Variants in ZFAND3 observed in about 807,000 individuals in gnomAD.
The protein encoded by ZFAND3 is zinc finger AN1-type containing 3, also known as AN1-type zinc finger protein 3.
ZFAND3 carries 10 observed loss-of-function variants against 29.6 expected under a neutral mutation model. That is an observed-to-expected ratio of 0.34 (90% CI 0.21 to 0.57). The LOEUF (loss-of-function observed/expected upper bound fraction) is 0.57, where lower values mean the gene tolerates loss of function less well. Among genes scored for constraint, ZFAND3 ranks in the 20% least tolerant of loss-of-function variants. The pLI is 0.86. For missense variants in ZFAND3, 230 were observed against 304.5 expected, an observed-to-expected ratio of 0.76 and a Z score of 1.82; for synonymous variants, 128 against 112.6, an observed-to-expected ratio of 1.14 and a Z score of -0.87.
At chr6:38,096,602 G>A (rs570599044) in intron 4 of ZFAND3, among the ~76,000 whole-genome samples, 8 of 152,130 alleles carry the variant, frequency 5.3e-5, no homozygotes, top group Non-Finnish European at 8.8e-5. Flanking sequence ...CTTCTTCAGC[G>A]CTGGAACTCT....
At chr6:37,973,190 TAGATGATTGATGGTGCTTTGCAAGTA>T (rs1762420209) in intron 2 of ZFAND3, among the ~76,000 whole-genome samples, 2 of 152,114 alleles carry the variant, frequency 1.3e-5, no homozygotes, top group African/African-American at 4.8e-5. Context: ...TTGAGTCCCA[TAGATGATTGATGGTGCTTTGCAAGTA>T]GTTAAATACA....
intron 1 of ZFAND3, among the ~76,000 whole-genome samples, chr6:37,854,860 T>G (rs145085800): frequency 2.0e-5 from 3 of 149,396 alleles, no homozygotes; most frequent in African/African-American, 7.4e-5. Context: ...TGCAGTTATA[T>G]ATGTCTTTGG....
intron 3 of ZFAND3, among the ~76,000 whole-genome samples, chr6:38,080,179 A>C (rs150745695): frequency 4.1e-4 from 63 of 152,076 alleles, no homozygotes; most frequent in African/African-American, 1.4e-3. Flanking sequence ...TAGGGGAGGG[A>C]TAGCATTAGG....
intron 3 of ZFAND3, among the ~76,000 whole-genome samples, chr6:38,071,913 A>G (rs1220539087): frequency 6.6e-6 from 1 of 152,166 alleles, no homozygotes; most frequent in African/African-American, 2.4e-5. Context: ...TTAGAAACCT[A>G]CTTTATGTGT....
chr6:37,837,350 A>G (rs1451817031), intron 1 of ZFAND3, among the ~76,000 whole-genome samples: 2 of 152,196 alleles, frequency 1.3e-5, no homozygotes, highest in East Asian at 1.9e-4. Flanking sequence ...CAGATATTCT[A>G]AAAATCTTAT....
At chr6:38,075,825 C>T (rs1764542755) in intron 3 of ZFAND3, among the ~76,000 whole-genome samples, 2 of 152,208 alleles carry the variant, frequency 1.3e-5, no homozygotes, top group Admixed American at 6.5e-5. Context: ...AATCTCTGCT[C>T]ACTGCAACCT....
At chr6:37,902,256 C>A (rs891762220) in intron 1 of ZFAND3, among the ~76,000 whole-genome samples, 1 of 151,824 alleles carries the variant, frequency 6.6e-6, no homozygotes, top group Admixed American at 6.6e-5. Flanking sequence ...CAAGACCAGC[C>A]GAGGCAACAT....
At chr6:37,867,558 G>A (rs1056705886) in intron 1 of ZFAND3, among the ~76,000 whole-genome samples, 3 of 152,304 alleles carry the variant, frequency 2.0e-5, no homozygotes, top group Admixed American at 1.3e-4. Context: ...TGAGGTTGTT[G>A]TATGGGTCCT....
intron 1 of ZFAND3, among the ~76,000 whole-genome samples, chr6:37,824,423 A>C (rs746171108): frequency 7.2e-5 from 11 of 152,344 alleles, no homozygotes; most frequent in Admixed American, 5.2e-4. Context: ...ATAGGAAGAA[A>C]AATAAGTATA....
In ZFAND3 at chr6:37,863,990, T is replaced by TA. The variant is rs549880798; in HGVS notation, c.71+43975dup. ...GTGACAAACAGTGGCTGGGATAGCA[T>TA]ATGTTGTTTAGACAGCTTTTGCTTG... On this transcript the variant is annotated intron_variant, in intron 1 of 5. Coordinates refer to ENST00000287218, the MANE Select transcript of ZFAND3 (RefSeq NM_021943.3). Among the ~76,000 whole-genome samples the TA allele has an allele frequency of 4.5e-3, 682 of 152,084 alleles. 7 individuals are homozygous for TA. Among genetic ancestry groups the TA allele is most frequent in the Non-Finnish European group, 7.1e-3 (481 of 67,968 alleles).
intron 4 of ZFAND3, among the ~76,000 whole-genome samples, chr6:38,107,712 A>G (rs1232741128): frequency 6.6e-6 from 1 of 152,188 alleles, no homozygotes; most frequent in Admixed American, 6.5e-5. Flanking sequence ...TCACACCTGT[A>G]GTCCCAGCTA....
intron 2 of ZFAND3, 91 bp from the exon 3 acceptor site, chr6:38,061,502 T>C: frequency 6.8e-7 from 1 of 1,461,572 alleles, no homozygotes; most frequent in Non-Finnish European, 9.3e-7. Flanking sequence ...ATTGGTGTTG[T>C]TGCATTTAAT....
intron 2 of ZFAND3, among the ~76,000 whole-genome samples, chr6:37,977,863 C>CCTTCCTTCCTTCCTTCCTTCCTTCCTTA (rs1762512785): frequency 7.3e-6 from 1 of 136,094 alleles, no homozygotes; most frequent in Non-Finnish European, 1.6e-5. Context: ...TTCCTTCCTT[C>CCTTCCTTCCTTCCTTCCTTCCTTCCTTA]CTTCCTTTCC....
intron 2 of ZFAND3, among the ~76,000 whole-genome samples, chr6:37,979,434 G>A (rs905691998): frequency 1.3e-5 from 2 of 152,182 alleles, no homozygotes; most frequent in African/African-American, 4.8e-5. Context: ...TTTGTTCGAA[G>A]ATGCAGTTAA....
At chr6:38,002,453 C>A (rs535341041) in intron 2 of ZFAND3, among the ~76,000 whole-genome samples, 3 of 151,776 alleles carry the variant, frequency 2.0e-5, no homozygotes, top group African/African-American at 4.8e-5. Context: ...CTGAGGCGGG[C>A]GGATTGCTTG....
chr6:37,834,854 C>A (rs1236078894), intron 1 of ZFAND3, among the ~76,000 whole-genome samples: 7 of 142,056 alleles, frequency 4.9e-5, no homozygotes, highest in South Asian at 2.2e-4. Flanking sequence ...ATGTATGTTT[C>A]AAAAAAAAAA....
intron 4 of ZFAND3, among the ~76,000 whole-genome samples, chr6:38,103,575 G>T (rs961413761): frequency 7.2e-5 from 10 of 138,754 alleles, no homozygotes; most frequent in African/African-American, 2.7e-4. Flanking sequence ...GACTTCTCAA[G>T]TTTCTCTCTT....
chr6:37,858,054 T>C lies in ZFAND3; in HGVS notation c.71+38038T>C, dbSNP rs116623321. Among the ~76,000 whole-genome samples, 838 of 152,290 alleles carry C rather than the reference T, an allele frequency of 5.5e-3. 8 individuals are homozygous for C. The highest frequency in any genetic ancestry group is 0.02 in the African/African-American group (815 of 41,568). On this transcript the variant is annotated intron_variant, in intron 1 of 5. Transcript: ENST00000287218. ...GAGAGCTTAGAATCACTTGGAAAAC[T>C]GTGTAAACTCTAGTGACCTGCCCTC...
intron 1 of ZFAND3, among the ~76,000 whole-genome samples, chr6:37,877,267 A>G (rs994576744): frequency 6.6e-6 from 1 of 152,196 alleles, no homozygotes; most frequent in African/African-American, 2.4e-5. Context: ...TTAGTGCAGC[A>G]TTGTCATTTC....
Sources: gnomAD v4.1 joint callset for allele counts (sites outside exome capture counted in the v4.1 genomes callset) on GRCh38, gnomAD v4.1.1 for gene constraint, MANE v1.5 for transcripts, NCBI Gene and HGNC (gene_info 2026-07-23, HGNC 2026-07-21) for gene names.